Variants in AKAP1 observed in about 807,000 individuals in gnomAD.
The protein encoded by AKAP1 is A-kinase anchoring protein 1.
Under a neutral mutation model 79.8 loss-of-function variants are expected in AKAP1, and 32 were observed. That is an observed-to-expected ratio of 0.40 (90% CI 0.30 to 0.54). The LOEUF is 0.54. Ranked by LOEUF, AKAP1 falls within the 20% of genes least tolerant of loss-of-function variation. The pLI, the probability that AKAP1 is intolerant of heterozygous loss-of-function variation, is 0.47. For synonymous variants in AKAP1, 416 were observed against 466.7 expected, an observed-to-expected ratio of 0.89 and a Z score of 1.40; for missense variants, 961 against 1,138.9, an observed-to-expected ratio of 0.84 and a Z score of 2.25.
At chr17:57,088,460 T>C (rs1913589777) in intron 1 of AKAP1, among the ~76,000 whole-genome samples, 1 of 152,182 alleles carries the variant, frequency 6.6e-6, no homozygotes, top group African/African-American at 2.4e-5. Context: ...AATCCTTTAA[T>C]CCTCACACCT....
intron 1 of AKAP1, among the ~76,000 whole-genome samples, chr17:57,089,217 C>T (rs1913634534): frequency 6.6e-6 from 1 of 152,110 alleles, no homozygotes; most frequent in African/African-American, 2.4e-5. Flanking sequence ...CCAGGGGCCA[C>T]TGGAGTGATG....
chr17:57,114,136 G>A (rs375943110), intron 5 of AKAP1, among the ~76,000 whole-genome samples: 1 of 152,270 alleles, frequency 6.6e-6, no homozygotes, highest in Admixed American at 6.5e-5. Flanking sequence ...GGTGGACCCT[G>A]CCCAGGCCTG....
At position 57,116,172 on chromosome 17, in the gene AKAP1, C is replaced by T; in HGVS notation, c.2343C>T (p.Ala781=). 1 of 1,614,142 alleles carries T rather than the reference C, an allele frequency of 6.2e-7. No homozygotes were observed. The highest frequency in any genetic ancestry group is 8.5e-7 in the Non-Finnish European group (1 of 1,180,036). The change falls in exon 7 of 11, where the codon GCC becomes GCT. Residue 781 remains alanine (A), a synonymous_variant. Coordinates refer to ENST00000337714, the MANE Select transcript of AKAP1 (RefSeq NM_003488.4). ...CCTGGTGGCGAGCCCAAGTGGTTGC[C>T]TCCTACGAGGAGACCAACGAAGTGG... is the stretch of plus-strand genomic sequence containing the variant. ...DGAWWRAQVV[A]SYEETNEVEI... is the part of the protein sequence containing the mutation.
rs756330415 is a variant in AKAP1, at chr17:57,106,318, C to T, written c.854C>T (p.Ala285Val). 1.4e-5 allele frequency: 23 copies of T among 1,613,958 alleles called. No homozygotes were observed. In the African/African-American group the frequency reaches 1.6e-4, roughly 11 times the overall value. Reference sequence around the variant, plus strand: ...ACAGAGCTGGCAAAGGACGATGCGGCGCCAGCACCCCCAGTCGCAGACGCC... The same window carrying T: ...ACAGAGCTGGCAAAGGACGATGCGGTGCCAGCACCCCCAGTCGCAGACGCC... The part of the protein sequence containing the change: ...AHTELAKDDA[A>V]PAPPVADAKA... The change falls in exon 2 of 11, where the codon GCG (alanine) becomes GTG (valine). Residue 285 changes from alanine (A) to valine (V), a missense_variant. Transcript: ENST00000337714.
At chr17:57,118,331 GC>G in intron 8 of AKAP1, 49 bp from the exon 9 acceptor site, 1 of 1,551,028 alleles carries the variant, frequency 6.4e-7, no homozygotes, top group Non-Finnish European at 8.9e-7. Context: ...TGACAAGGGT[GC>G]CTTGCCTCAG....
At chr17:57,113,594 C>CTTTTTTTT (rs1036422001) in intron 5 of AKAP1, among the ~76,000 whole-genome samples, 1 of 82,498 alleles carries the variant, frequency 1.2e-5, no homozygotes, top group Non-Finnish European at 2.3e-5. Context: ...GACTCACTCT[C>CTTTTTTTT]TTTTTTTTTT....
chr17:57,105,831 A>G lies in AKAP1; in HGVS notation c.367A>G (p.Thr123Ala), dbSNP rs1362164851. Residue 123 changes from threonine to alanine, a missense_variant, in exon 2 of 11, where the codon ACA (threonine) becomes GCA (alanine). Around this residue, in one of 3 missense-constraint regions of AKAP1, gnomAD observed 224 missense variants for 210.2 expected, o/e 1.07. Coordinates refer to ENST00000337714, the MANE Select transcript of AKAP1 (RefSeq NM_003488.4). ...NTTDMRLRPG[T>A]RRDDSTKLEL... is the part of the protein sequence containing the mutation. The stretch of plus-strand genomic sequence containing the variant: ...CACAGACATGAGATTGCGACCAGGA[A>G]CACGCAGAGATGACAGTACAAAGCT... The G allele has an allele frequency of 2.5e-6, 4 of 1,614,120 alleles. No individual in the cohort carries two copies. The highest frequency in any genetic ancestry group is 2.5e-6 in the Non-Finnish European group (3 of 1,180,052).
chr17:57,108,123 T>C, intron 2 of AKAP1: 1 of 812,500 alleles, frequency 1.2e-6, no homozygotes, highest in African/African-American at 1.9e-5. Context: ...AGGCCACGAA[T>C]ATCCCGAGTG....
At chr17:57,111,641 A>G (rs867047150) in intron 3 of AKAP1, among the ~76,000 whole-genome samples, 157 bp from the exon 4 acceptor site, 21 of 152,226 alleles carry the variant, frequency 1.4e-4, no homozygotes, top group African/African-American at 4.6e-4. Context: ...TACTATGAGT[A>G]AATGTAAGTG....
At position 57,105,471 on chromosome 17, in the gene AKAP1, A is replaced by G. The variant is rs757113984; in HGVS notation, c.7A>G (p.Ile3Val). The part of the protein sequence containing the change: MA[I>V]QFRSLFPLAL... ...ATTACTTCAAGCCTCCAGGATGGCA[A>G]TCCAGTTCCGTTCGCTCTTCCCCTT... The change falls in exon 2 of 11, where the codon ATC becomes GTC. Residue 3 changes from isoleucine (I) to valine (V), a missense_variant. By Grantham distance (29) the Ile-to-Val change is conservative. Transcript: ENST00000337714. 2 of 1,613,844 alleles carry G rather than the reference A, an allele frequency of 1.2e-6. No individual in the cohort carries two copies. The highest frequency in any genetic ancestry group is 1.7e-6 in the Non-Finnish European group (2 of 1,179,986).
intron 1 of AKAP1, among the ~76,000 whole-genome samples, chr17:57,101,175 T>G (rs977445562): frequency 6.6e-6 from 1 of 152,232 alleles, no homozygotes; most frequent in African/African-American, 2.4e-5. Context: ...ACCACTTTTT[T>G]GGGTGTGGGC....
At chr17:57,092,602 A>G (rs1913848947) in intron 1 of AKAP1, 1 of 152,210 alleles carries the variant, frequency 6.6e-6, no homozygotes, top group Non-Finnish European at 1.5e-5. Flanking sequence ...ACTTAAAGGT[A>G]AAAGCAAGCC....
chr17:57,089,284 A>G (rs1048364457), intron 1 of AKAP1, among the ~76,000 whole-genome samples: 6 of 152,166 alleles, frequency 3.9e-5, no homozygotes, highest in African/African-American at 1.4e-4. Flanking sequence ...CTTAAGGGGA[A>G]AAAAAACAAC....
chr17:57,090,911 A>T (rs554030775), intron 1 of AKAP1, among the ~76,000 whole-genome samples: 1 of 152,340 alleles, frequency 6.6e-6, no homozygotes, highest in African/African-American at 2.4e-5. Context: ...CCTCACTTGG[A>T]GGTCACAGAC....
At chr17:57,115,774 C>T (rs1440481730) in intron 6 of AKAP1, among the ~76,000 whole-genome samples, 1 of 152,196 alleles carries the variant, frequency 6.6e-6, no homozygotes, top group Non-Finnish European at 1.5e-5. Flanking sequence ...CCCCCATTCC[C>T]CGAGTGCTAT....
At chr17:57,117,938 C>A (rs1315770266) in intron 8 of AKAP1, among the ~76,000 whole-genome samples, 4 of 152,174 alleles carry the variant, frequency 2.6e-5, no homozygotes, top group Admixed American at 6.5e-5. Flanking sequence ...TTGATTCCCA[C>A]CTTCACCACT....
chr17:57,114,839 G>A (rs1047969858), intron 6 of AKAP1, among the ~76,000 whole-genome samples: 1 of 152,046 alleles, frequency 6.6e-6, no homozygotes, highest in Non-Finnish European at 1.5e-5. Flanking sequence ...GGGTGTTGGA[G>A]TAGAGTTTTG....
chr17:57,114,598 C>T lies in AKAP1; in HGVS notation c.2243C>T (p.Ser748Phe). ...SLDQQMYLCY[S>F]QPGIPTLPTP... ...GACCAGCAGATGTACCTCTGTTACT[C>T]TCAGCCTGGAATCCCCACCTTGCCC... The change falls in exon 6 of 11, where the codon TCT becomes TTT. Residue 748 changes from serine to phenylalanine, a missense_variant. Ser to Phe is a radical substitution (Grantham distance 155). Transcript: ENST00000337714. 1 of 1,614,156 alleles carries T rather than the reference C, an allele frequency of 6.2e-7. No homozygotes were observed. The highest frequency in any genetic ancestry group is 8.5e-7 in the Non-Finnish European group (1 of 1,180,020).
intron 2 of AKAP1, 84 bp from the exon 3 acceptor site, chr17:57,109,941 A>T: frequency 1.3e-6 from 2 of 1,551,932 alleles, no homozygotes; most frequent in Non-Finnish European, 1.7e-6. Flanking sequence ...GCCTCCTGGG[A>T]ATGTGAGTTT....
Sources: gnomAD v4.1 joint callset for allele counts (sites outside exome capture counted in the v4.1 genomes callset) on GRCh38, gnomAD v4.1.1 for gene constraint, gnomAD v4.1.1 regional missense constraint, MANE v1.5 for transcripts, NCBI Gene and HGNC (gene_info 2026-07-23, HGNC 2026-07-21) for gene names.